The following DCT variants were observed in gnomAD, a reference collection of about 807,000 sequenced individuals.
DCT encodes dopachrome tautomerase.
Under a neutral mutation model 53.0 loss-of-function variants are expected in DCT, and 47 were observed. That is an observed-to-expected ratio of 0.89 (90% CI 0.70 to 1.13). The LOEUF (loss-of-function observed/expected upper bound fraction) is 1.13, where lower values mean the gene tolerates loss of function less well. Among genes scored for constraint, DCT ranks in the 50% most tolerant of loss-of-function variants. DCT has a pLI of 0.00. For synonymous variants in DCT, 244 were observed against 237.0 expected (o/e 1.03, Z -0.27); for missense variants, 669 against 637.4 (o/e 1.05, Z -0.53).
chr13:94,513,859 G>A, the DCT span, among the ~76,000 whole-genome samples: 70 of 151,944 alleles, frequency 4.6e-4, no homozygotes, highest in African/African-American at 1.5e-3. Context: ...GGTGGCAGGC[G>A]CCTGTATTCT....
chr13:94,440,428 G>A (rs1357555272), intron 7 of DCT, among the ~76,000 whole-genome samples: 5 of 152,110 alleles, frequency 3.3e-5, no homozygotes, highest in Admixed American at 1.3e-4. Context: ...CTGGGGAGCT[G>A]CAAAATATAC....
the DCT span, among the ~76,000 whole-genome samples, chr13:94,518,387 T>A: frequency 2.6e-5 from 4 of 152,300 alleles, no homozygotes; most frequent in African/African-American, 9.6e-5. Context: ...CAGAGGCACT[T>A]TAAATCCAAT....
chr13:94,512,731 C>T, the DCT span, among the ~76,000 whole-genome samples: 1 of 152,084 alleles, frequency 6.6e-6, no homozygotes, highest in African/African-American at 2.4e-5. Context: ...TACACACACA[C>T]ACATATATAC....
chr13:94,521,664 T>C, the DCT span, among the ~76,000 whole-genome samples: 2 of 151,484 alleles, frequency 1.3e-5, no homozygotes, highest in African/African-American at 2.4e-5. Flanking sequence ...AGTGAGACTC[T>C]GTAAAAAACA....
the DCT span, among the ~76,000 whole-genome samples, chr13:94,529,625 G>C: frequency 3.8e-3 from 580 of 152,218 alleles, 3 homozygotes; most frequent in Middle Eastern, 0.01. Context: ...AGAATCTCTG[G>C]GACACATTTA....
At chr13:94,535,908 A>G in the DCT span, among the ~76,000 whole-genome samples, 1 of 152,116 alleles carries the variant, frequency 6.6e-6, no homozygotes, top group African/African-American at 2.4e-5. Flanking sequence ...TCCCTCTTCG[A>G]GGAAGAATGT....
the DCT span, among the ~76,000 whole-genome samples, chr13:94,538,372 A>G: frequency 6.6e-6 from 1 of 152,218 alleles, no homozygotes; most frequent in Non-Finnish European, 1.5e-5. Context: ...GATATTACAC[A>G]GGCAGGGGGT....
intron 1 of DCT, among the ~76,000 whole-genome samples, chr13:94,474,387 G>C (rs1194182280): frequency 6.6e-6 from 1 of 152,142 alleles, no homozygotes; most frequent in East Asian, 1.9e-4. Context: ...ACTCTAAATA[G>C]CCTATTCCTT....
the DCT span, among the ~76,000 whole-genome samples, chr13:94,529,434 A>G: frequency 6.6e-6 from 1 of 152,324 alleles, no homozygotes. Context: ...AATCACAACA[A>G]ACTGTCTCTC....
intron 1 of DCT, among the ~76,000 whole-genome samples, chr13:94,473,466 G>A (rs1442531440): frequency 6.6e-6 from 1 of 152,158 alleles, no homozygotes; most frequent in African/African-American, 2.4e-5. Context: ...TTATTGGGAT[G>A]TAACCCCATC....
In DCT at chr13:94,437,888, C is replaced by A. The variant is rs1442312669; in HGVS notation, c.*2010G>T. 4.6e-5 allele frequency: 7 copies of A among 151,988 alleles called. No homozygotes were observed. Among genetic ancestry groups the A allele is most frequent in the African/African-American group, 1.7e-4 (7 of 41,394 alleles). The allele number at this position is 151,988 out of a possible 1,614,324, so 9.4% of individuals were successfully genotyped here. A position where few individuals can be genotyped will look rare whatever the true frequency, so the allele number is the denominator to read the frequency against. ...AAGTCACCCACACTACAGATAAAAGCAGCTAAGTATAATCGATTACTATTT... is the reference window on the plus strand; with the variant it reads ...AAGTCACCCACACTACAGATAAAAGAAGCTAAGTATAATCGATTACTATTT... On this transcript the variant is annotated 3_prime_UTR_variant, in exon 8 of 8. Coordinates refer to ENST00000377028, the MANE Select transcript of DCT (RefSeq NM_001922.5).
intron 6 of DCT, among the ~76,000 whole-genome samples, chr13:94,453,486 A>G (rs1883226712): frequency 6.6e-6 from 1 of 152,194 alleles, no homozygotes; most frequent in Non-Finnish European, 1.5e-5. Context: ...ATATTAGTCT[A>G]ATTATGATTT....
chr13:94,460,235 A>C lies in DCT; in HGVS notation c.1044-9T>G, dbSNP rs1883695053. 6.2e-7 allele frequency: 1 copy of C among 1,612,392 alleles called. No individual in the cohort carries two copies. The highest frequency in any genetic ancestry group is 8.5e-7 in the Non-Finnish European group (1 of 1,179,012). On this transcript the variant is annotated splice_polypyrimidine_tract_variant and intron_variant, in intron 5 of 7. Coordinates refer to ENST00000377028, the MANE Select transcript of DCT (RefSeq NM_001922.5). ...ACCCTTCCAAAGCATTCCTAGGAGAAACAAGTATATCAGTGACAACAGACA... is the reference window on the plus strand; with the variant it reads ...ACCCTTCCAAAGCATTCCTAGGAGACACAAGTATATCAGTGACAACAGACA...
At chr13:94,546,010 C>T in the DCT span, among the ~76,000 whole-genome samples, 21 of 152,206 alleles carry the variant, frequency 1.4e-4, no homozygotes, top group Admixed American at 3.9e-4. The surrounding 1 kb of genome is among the most constrained non-coding windows in gnomAD (Gnocchi z 4.2). Context: ...CTTGAGAAAG[C>T]CCAAGACTGA....
At chr13:94,524,602 T>C in the DCT span, among the ~76,000 whole-genome samples, 4 of 152,116 alleles carry the variant, frequency 2.6e-5, no homozygotes, top group African/African-American at 9.7e-5. Flanking sequence ...AAAAGAGAGA[T>C]TTTTATTGCA....
chr13:94,548,944 T>C, the DCT span, among the ~76,000 whole-genome samples: 1 of 152,230 alleles, frequency 6.6e-6, no homozygotes, highest in Non-Finnish European at 1.5e-5. Flanking sequence ...TGTGCATTTC[T>C]AAGTAGTTCT....
the DCT span, among the ~76,000 whole-genome samples, chr13:94,547,984 A>AAAAAATATATAT: frequency 1.2e-4 from 8 of 65,820 alleles, no homozygotes; most frequent in African/African-American, 5.1e-4. Flanking sequence ...AAAAAAAAAA[A>AAAAAATATATAT]ATATATATAT....
At chr13:94,490,529 A>AAAAAAAAAC in the DCT span, among the ~76,000 whole-genome samples, 1 of 148,714 alleles carries the variant, frequency 6.7e-6, no homozygotes, top group African/African-American at 2.5e-5. Context: ...AAAAAAAAAA[A>AAAAAAAAAC]AACAACTAAC....
intron 6 of DCT, among the ~76,000 whole-genome samples, chr13:94,450,030 C>T (rs1882978031): frequency 6.6e-6 from 1 of 152,086 alleles, no homozygotes; most frequent in Non-Finnish European, 1.5e-5. Context: ...GGAAATGGGG[C>T]CTTTGGGAAA....
Sources: allele counts gnomAD v4.1 joint callset (sites outside exome capture counted in the v4.1 genomes callset), GRCh38; gene constraint gnomAD v4.1.1; non-coding constraint Gnocchi (gnomAD v3.1); transcripts MANE v1.5; gene names NCBI Gene and HGNC (gene_info 2026-07-23, HGNC 2026-07-21).